Variants in INPP5A observed in about 807,000 individuals in gnomAD.
The protein encoded by INPP5A is inositol polyphosphate-5-phosphatase A.
A neutral mutation model predicts 65.2 loss-of-function variants in INPP5A; 14 were observed. The ratio of observed to expected loss-of-function variants is 0.21; its 90% CI spans 0.14 to 0.34. The LOEUF (loss-of-function observed/expected upper bound fraction) is 0.34. INPP5A is among the 10% of genes least tolerant of loss of function. The probability of loss-of-function intolerance (pLI) is 1.00; values close to 1 mark genes in which losing one functional copy is unlikely to be tolerated. For missense variants in INPP5A, 431 were observed against 545.6 expected (o/e 0.79, Z 2.09); for synonymous variants, 207 against 208.3 (o/e 0.99, Z 0.05).
chr10:132,617,329 G>T (rs945994330), intron 2 of INPP5A, among the ~76,000 whole-genome samples: 2 of 152,156 alleles, frequency 1.3e-5, no homozygotes, highest in African/African-American at 2.4e-5. Flanking sequence ...GCTCTCTCAG[G>T]GCCCTTCTGC....
rs771238503 is a variant in INPP5A at position 132,645,978 on chromosome 10, G to C, written c.218+10G>C. On this transcript the variant is annotated intron_variant, in intron 3 of 15. Transcript: ENST00000368594. ...TGGACAAGTTCGTCAAGTAAGTCTA[G>C]GGGCAGGTGCTGGTGCATGTCCACT... is the stretch of plus-strand genomic sequence containing the variant. 1 of 1,595,974 alleles carries C rather than the reference G, an allele frequency of 6.3e-7. No individual in the cohort carries two copies. Among genetic ancestry groups the C allele is most frequent in the Non-Finnish European group, 8.6e-7 (1 of 1,164,214 alleles).
intron 1 of INPP5A, among the ~76,000 whole-genome samples, chr10:132,590,587 G>T (rs987466665): frequency 6.6e-6 from 1 of 152,198 alleles, no homozygotes; most frequent in Admixed American, 6.5e-5. Context: ...GCACCCTCCA[G>T]CGATGGGTCC....
intron 2 of INPP5A, among the ~76,000 whole-genome samples, chr10:132,615,429 T>A (rs895991420): frequency 4.6e-5 from 7 of 152,218 alleles, no homozygotes; most frequent in African/African-American, 1.4e-4. Context: ...GCCCACCGAG[T>A]TTCCTTCTAA....
intron 8 of INPP5A, among the ~76,000 whole-genome samples, chr10:132,713,997 C>A (rs1845695587): frequency 6.6e-6 from 1 of 152,144 alleles, no homozygotes; most frequent in African/African-American, 2.4e-5. Context: ...GTTCTTCCTG[C>A]CTGATCAGCC....
At chr10:132,570,164 C>T (rs890106280) in intron 1 of INPP5A, among the ~76,000 whole-genome samples, 1 of 151,904 alleles carries the variant, frequency 6.6e-6, no homozygotes, top group Non-Finnish European at 1.5e-5. Context: ...CCAGGCTGGT[C>T]TCAAACTCCT....
Position 132,627,168 on chromosome 10 carries a change from G to A in INPP5A, c.118-18700G>A, listed in dbSNP as rs925991016. Among the ~76,000 whole-genome samples the A allele has an allele frequency of 6.6e-6, 1 of 152,180 alleles. No homozygotes were observed. The highest frequency in any genetic ancestry group is 1.5e-5 in the Non-Finnish European group (1 of 68,032). ...ACCCTCACCAGGAACCAAACCGGCC[G>A]GCTTCTTGGCCTCAGACTGACAGCT... On this transcript the variant is annotated intron_variant, in intron 2 of 15. Transcript: ENST00000368594. The surrounding 1 kb of genome is among the most constrained non-coding windows in gnomAD (Gnocchi z 6.6).
intron 4 of INPP5A, 62 bp from the exon 5 acceptor site, chr10:132,690,330 A>G: frequency 9.3e-7 from 1 of 1,080,424 alleles, no homozygotes; most frequent in Admixed American, 1.9e-5. Flanking sequence ...TATTGTTAAA[A>G]ATGATCTTTA....
Position 132,650,906 on chromosome 10 carries a change from G to A in INPP5A, c.306+401G>A, listed in dbSNP as rs1289382363. Among the ~76,000 whole-genome samples, 2 of 152,188 alleles carry A rather than the reference G, an allele frequency of 1.3e-5. No homozygotes were observed. Among genetic ancestry groups the A allele is most frequent in the African/African-American group, 2.4e-5 (1 of 41,446 alleles). On this transcript the variant is annotated intron_variant, in intron 4 of 15. Coordinates refer to ENST00000368594, the MANE Select transcript of INPP5A (RefSeq NM_005539.5). This position sits in a 1 kb window ranked among gnomAD's most constrained non-coding sequence, Gnocchi z 5.5. ...CCAGCCCTGCTCCCATGCTGGGTCC[G>A]TCCCTTCCTGATCCCTGAGTGTGCA...
At chr10:132,764,612 G>A (rs1293043442) in intron 11 of INPP5A, among the ~76,000 whole-genome samples, 21 of 144,564 alleles carry the variant, frequency 1.5e-4, no homozygotes, top group Admixed American at 2.1e-4. Context: ...GAGGGTGTGC[G>A]TGGTTACACT....
At chr10:132,693,386 G>A (rs537510744) in intron 5 of INPP5A, among the ~76,000 whole-genome samples, 1 of 151,914 alleles carries the variant, frequency 6.6e-6, no homozygotes, top group South Asian at 2.1e-4. Context: ...CTGTCAGAGT[G>A]GATTAAAAAA....
chr10:132,738,969 AG>A (rs1430027299), intron 9 of INPP5A, among the ~76,000 whole-genome samples: 1 of 152,168 alleles, frequency 6.6e-6, no homozygotes, highest in Non-Finnish European at 1.5e-5. Flanking sequence ...CTTCGGGTCT[AG>A]GGTTCACCAG....
chr10:132,628,972 T>TTA (rs2072229650), intron 2 of INPP5A, among the ~76,000 whole-genome samples: 1 of 152,234 alleles, frequency 6.6e-6, no homozygotes. Flanking sequence ...ATGAGACATG[T>TTA]TATCTGTTTT....
intron 2 of INPP5A, among the ~76,000 whole-genome samples, chr10:132,630,182 G>A (rs1477123254): frequency 6.6e-6 from 1 of 152,194 alleles, no homozygotes; most frequent in Non-Finnish European, 1.5e-5. Flanking sequence ...GCGTCCATGA[G>A]GGTAAGGTGT....
intron 9 of INPP5A, among the ~76,000 whole-genome samples, chr10:132,730,210 C>G (rs1846059079): frequency 6.6e-6 from 1 of 152,260 alleles, no homozygotes; most frequent in African/African-American, 2.4e-5. Context: ...CCCACCACCT[C>G]CTGGTCTTCC....
At position 132,705,283 on chromosome 10, in the gene INPP5A, A is replaced by T. The variant is rs1438123742; in HGVS notation, c.475-3030A>T. Among the ~76,000 whole-genome samples the T allele has an allele frequency of 6.6e-6, 1 of 152,206 alleles. No individual in the cohort carries two copies. Among genetic ancestry groups the T allele is most frequent in the South Asian group, 2.1e-4 (1 of 4,830 alleles). ...GGCGGACATGTTTGGAATCAGAGAC[A>T]AGTGTCTGGTGCAGCACGCAGGGAG... On this transcript the variant is annotated intron_variant, in intron 6 of 15. Transcript: ENST00000368594. This position sits in a 1 kb window ranked among gnomAD's most constrained non-coding sequence, Gnocchi z 4.9.
At chr10:132,595,038 A>G (rs12773333) in intron 1 of INPP5A, among the ~76,000 whole-genome samples, 1,589 of 152,310 alleles carry the variant, frequency 0.01, 13 homozygotes, top group Non-Finnish European at 0.017. Context: ...AAAAAGAAAT[A>G]CCTCTGCCTC....
rs909505598 is a variant in INPP5A, at chr10:132,603,346, A to T, written c.76-4569A>T. Among the ~76,000 whole-genome samples the T allele has an allele frequency of 2.0e-5, 3 of 152,190 alleles. No individual in the cohort carries two copies. Among genetic ancestry groups the T allele is most frequent in the Admixed American group, 1.3e-4 (2 of 15,280 alleles). On this transcript the variant is annotated intron_variant, in intron 1 of 15. Transcript: ENST00000368594. The surrounding 1 kb of genome is among the most constrained non-coding windows in gnomAD (Gnocchi z 4.2). ...TCTGTTTCTCCCTTCCCTTCAGAAT[A>T]TGCACTATAGAAAATTACAGATCAC... is the stretch of plus-strand genomic sequence containing the variant.
At chr10:132,740,234 A>G (rs918818297) in intron 9 of INPP5A, among the ~76,000 whole-genome samples, 6 of 152,150 alleles carry the variant, frequency 3.9e-5, no homozygotes, top group African/African-American at 1.4e-4. Flanking sequence ...GTTTGCAGTG[A>G]CCTAATAGTA....
intron 12 of INPP5A, among the ~76,000 whole-genome samples, chr10:132,773,902 A>G (rs1846999496): frequency 6.6e-6 from 1 of 152,196 alleles, no homozygotes; most frequent in South Asian, 2.1e-4. Flanking sequence ...CTGGGACTAC[A>G]GGTGTGCACC....
Sources: allele counts gnomAD v4.1 joint callset (sites outside exome capture counted in the v4.1 genomes callset), GRCh38; gene constraint gnomAD v4.1.1; non-coding constraint Gnocchi (gnomAD v3.1); transcripts MANE v1.5; gene names NCBI Gene and HGNC (gene_info 2026-07-23, HGNC 2026-07-21).